The following LRP2 variants were observed in gnomAD, a reference collection of about 807,000 sequenced individuals.
LRP2 encodes the protein LDL receptor related protein 2.
LRP2 carries 172 observed loss-of-function variants against 531.0 expected under a neutral mutation model. The observed-to-expected ratio is 0.32, with a 90% CI of 0.29 to 0.37. The LOEUF (loss-of-function observed/expected upper bound fraction) is 0.37. LRP2 is among the 10% of genes least tolerant of loss of function. The probability of loss-of-function intolerance (pLI) is 1.00; values close to 1 mark genes in which losing one functional copy is unlikely to be tolerated. For missense variants in LRP2, 5,167 were observed against 5,868.3 expected (o/e 0.88, Z 3.90); for synonymous variants, 1,992 against 2,027.6 (o/e 0.98, Z 0.47).
chr2:169,225,648 G>A (rs1689177117), intron 32 of LRP2, among the ~76,000 whole-genome samples, 195 bp from the exon 33 acceptor site: 1 of 152,182 alleles, frequency 6.6e-6, no homozygotes, highest in African/African-American at 2.4e-5. Context: ...AATACACAAG[G>A]CTTACCATTC....
chr2:169,194,563 T>C (rs1320676950), intron 46 of LRP2, among the ~76,000 whole-genome samples: 1 of 152,110 alleles, frequency 6.6e-6, no homozygotes, highest in Non-Finnish European at 1.5e-5. Flanking sequence ...CTAATGAAGG[T>C]GTCATAGGCT....
intron 17 of LRP2, 137 bp downstream of exon 17, chr2:169,258,888 T>C: frequency 1.2e-6 from 1 of 810,580 alleles, no homozygotes; most frequent in South Asian, 1.7e-5. Context: ...AAAAAAGAAA[T>C]AAAATTTAAG....
At chr2:169,359,204 T>C (rs982975033) in intron 1 of LRP2, among the ~76,000 whole-genome samples, 1 of 152,206 alleles carries the variant, frequency 6.6e-6, no homozygotes, top group Non-Finnish European at 1.5e-5. Flanking sequence ...AATTCTCTTA[T>C]TATCTTGTCA....
At chr2:169,236,106 A>G (rs769796541) in intron 28 of LRP2, 38 bp from the exon 29 acceptor site, 1 of 1,391,448 alleles carries the variant, frequency 7.2e-7, no homozygotes, top group Non-Finnish European at 1.0e-6. Flanking sequence ...GAGGGGACGT[A>G]TTTAAATATT....
At chr2:169,275,757 G>A (rs2105444589) in intron 13 of LRP2, among the ~76,000 whole-genome samples, 1 of 152,130 alleles carries the variant, frequency 6.6e-6, no homozygotes, top group East Asian at 1.9e-4. Context: ...TCACTGTAAG[G>A]AAAGCAAGAA....
chr2:169,305,258 G>A (rs910158110), intron 4 of LRP2, among the ~76,000 whole-genome samples: 8 of 152,124 alleles, frequency 5.3e-5, no homozygotes, highest in Non-Finnish European at 7.4e-5. Context: ...ATGTGGTCAT[G>A]GTATGGATGG....
intron 42 of LRP2, 43 bp from the exon 43 acceptor site, chr2:169,203,002 C>T (rs1193506124): frequency 2.6e-6 from 4 of 1,548,096 alleles, no homozygotes; most frequent in African/African-American, 1.4e-5. Context: ...ATGGATGCAG[C>T]CACCGTTCAC....
chr2:169,276,772 AT>A (rs144114018), intron 13 of LRP2, among the ~76,000 whole-genome samples: 2,201 of 152,280 alleles, frequency 0.014, 42 homozygotes, highest in African/African-American at 0.05. Context: ...AAAGAATAAT[AT>A]TTTGGGTCAA....
In LRP2 at chr2:169,271,611, GCACA is replaced by G. The variant is rs55672417; in HGVS notation, c.2117-508_2117-505del. On this transcript the variant is annotated intron_variant, in intron 15 of 78. Coordinates refer to ENST00000649046, the MANE Select transcript of LRP2 (RefSeq NM_004525.3). ...TCATTACAATAAACAGGCAAAACAT[GCACA>G]CACACACACACACACACACACACAC... 8.7e-3 allele frequency: 2,030 copies of G among 234,054 alleles called. 9 individuals are homozygous for G. The highest frequency in any genetic ancestry group is 0.019 in the African/African-American group (768 of 41,420). The allele number at this position is 234,054 out of a possible 1,614,324, so 14.5% of individuals were successfully genotyped here.
Position 169,246,924 on chromosome 2 carries a change from C to G in LRP2, c.2971G>C (p.Val991Leu). The G allele has an allele frequency of 6.2e-7, 1 of 1,614,176 alleles. No individual in the cohort carries two copies. Among genetic ancestry groups the G allele is most frequent in the South Asian group, 1.1e-5 (1 of 91,088 alleles). Residue 991 changes from valine (V) to leucine (L), a missense_variant, in exon 21 of 79, where the codon GTG becomes CTG. This residue lies in a region of LRP2 where 2,811 missense variants were observed against 3,058.0 expected (regional missense o/e 0.92). Coordinates refer to ENST00000649046, the MANE Select transcript of LRP2 (RefSeq NM_004525.3). ...NGDCSHFCFPVPNFQRVCGCP... is the reference protein window; with the variant it reads ...NGDCSHFCFPLPNFQRVCGCP... Reference sequence around the variant, plus strand: ...CCACACACTCGCTGGAAATTTGGCACCGGGAAGCAGAAGTGGCTGCAGTCA... The same window carrying G: ...CCACACACTCGCTGGAAATTTGGCAGCGGGAAGCAGAAGTGGCTGCAGTCA...
At chr2:169,177,706 C>A (rs72874761) in intron 53 of LRP2, 97 bp downstream of exon 53, 4 of 1,080,116 alleles carry the variant, frequency 3.7e-6, no homozygotes, top group Non-Finnish European at 5.8e-6. Flanking sequence ...ACAAGTGCAA[C>A]AAACTTTTTG....
At chr2:169,299,585 C>A (rs1684237264) in intron 4 of LRP2, among the ~76,000 whole-genome samples, 1 of 149,666 alleles carries the variant, frequency 6.7e-6, no homozygotes, top group South Asian at 2.1e-4. Flanking sequence ...AGTGACCGAG[C>A]AACAAGATGG....
intron 75 of LRP2, among the ~76,000 whole-genome samples, chr2:169,138,074 G>T (rs1282770434): frequency 2.0e-5 from 3 of 152,134 alleles, no homozygotes; most frequent in Non-Finnish European, 4.4e-5. Flanking sequence ...GACAATGAGG[G>T]TCAGAGATAT....
rs1248351989 is a variant in LRP2 at position 169,181,487 on chromosome 2, T to G, written c.10130A>C (p.Asp3377Ala). Residue 3377 changes from aspartate (D) to alanine (A), a missense_variant, in exon 52 of 79, where the codon GAT becomes GCT. Coordinates refer to ENST00000649046, the MANE Select transcript of LRP2 (RefSeq NM_004525.3). ...GTGGGCATCTGCCCAGTAGAGTAGATCATTGGTGTAATCAATGGTGATGCC... is the reference window on the plus strand; with the variant it reads ...GTGGGCATCTGCCCAGTAGAGTAGAGCATTGGTGTAATCAATGGTGATGCC... ...PNGITIDYTN[D>A]LLYWADAHLG... 2.5e-6 allele frequency: 4 copies of G among 1,613,990 alleles called. No individual in the cohort carries two copies. Among genetic ancestry groups the G allele is most frequent in the Admixed American group, 1.7e-5 (1 of 60,010 alleles).
chr2:169,146,628 A>G, intron 69 of LRP2, 111 bp downstream of exon 69: 1 of 880,494 alleles, frequency 1.1e-6, no homozygotes, highest in African/African-American at 1.7e-5. Flanking sequence ...TATCTAAAAA[A>G]CTATATAAGC....
At chr2:169,133,921 A>G (rs1001267942) in intron 76 of LRP2, among the ~76,000 whole-genome samples, 9 of 152,202 alleles carry the variant, frequency 5.9e-5, no homozygotes, top group African/African-American at 2.2e-4. Context: ...CTTCACAGAC[A>G]GCCCCCATTA....
intron 4 of LRP2, among the ~76,000 whole-genome samples, chr2:169,300,651 T>C (rs890444600): frequency 4.6e-5 from 7 of 152,152 alleles, no homozygotes; most frequent in African/African-American, 1.2e-4. Context: ...GGAAACTAAA[T>C]AAAAGAGAGT....
At chr2:169,311,151 G>C (rs965763980) in intron 3 of LRP2, among the ~76,000 whole-genome samples, 3 of 152,076 alleles carry the variant, frequency 2.0e-5, no homozygotes, top group South Asian at 2.1e-4. Flanking sequence ...CAAAAAACCA[G>C]CTCCTGGATT....
At chr2:169,350,723 CAAAAA>C (rs35301449) in intron 1 of LRP2, among the ~76,000 whole-genome samples, 36 of 68,226 alleles carry the variant, frequency 5.3e-4, no homozygotes, top group Admixed American at 2.0e-3. Context: ...GACTCCATCG[CAAAAA>C]AAAAAAAAAA....
Sources: allele counts gnomAD v4.1 joint callset (sites outside exome capture counted in the v4.1 genomes callset), GRCh38; gene constraint gnomAD v4.1.1; regional missense constraint gnomAD v4.1.1; transcripts MANE v1.5; gene names NCBI Gene and HGNC (gene_info 2026-07-23, HGNC 2026-07-21).